HDAC4: variants seen among roughly 807,000 people sequenced by gnomAD.
HDAC4 encodes the protein histone deacetylase A.
HDAC4 carries 16 observed loss-of-function variants against 135.1 expected under a neutral mutation model. That is an observed-to-expected ratio of 0.12 (90% CI 0.08 to 0.18). The LOEUF (loss-of-function observed/expected upper bound fraction) is 0.18, where lower values mean the gene tolerates loss of function less well. HDAC4 is among the 10% of genes least tolerant of loss of function. The pLI is 1.00. For synonymous variants in HDAC4, 685 were observed against 653.4 expected, an observed-to-expected ratio of 1.05 and a Z score of -0.74; for missense variants, 1,143 against 1,511.8, an observed-to-expected ratio of 0.76 and a Z score of 4.05.
chr2:239,117,045 C>T (rs540351104), intron 12 of HDAC4, among the ~76,000 whole-genome samples: 3 of 152,312 alleles, frequency 2.0e-5, no homozygotes, highest in Admixed American at 2.0e-4. Context: ...CCACGTGGCA[C>T]AGGCATTGCT....
chr2:239,283,460 G>A (rs777270456), intron 2 of HDAC4, among the ~76,000 whole-genome samples: 7 of 152,196 alleles, frequency 4.6e-5, no homozygotes, highest in Non-Finnish European at 1.0e-4. Flanking sequence ...TGCAGCGAGT[G>A]TCGGGCTGGC....
In HDAC4 at chr2:239,049,581, T is replaced by A. The variant is rs2030506150; in HGVS notation, c.*3516A>T. 1 of 151,940 alleles carries A rather than the reference T, an allele frequency of 6.6e-6. No homozygotes were observed. Among genetic ancestry groups the A allele is most frequent in the Non-Finnish European group, 1.5e-5 (1 of 67,624 alleles). The allele number at this position is 151,940 out of a possible 1,614,324, so 9.4% of individuals were successfully genotyped here. On this transcript the variant is annotated 3_prime_UTR_variant, in exon 27 of 27. Coordinates refer to ENST00000543185, the MANE Select transcript of HDAC4 (RefSeq NM_001378414.1). ...GTGGCTGTGACCAGTAAAGAAGGAA[T>A]GTTCTGATCAAAAAGAAAAACAACA... is the stretch of plus-strand genomic sequence containing the variant.
chr2:239,127,334 T>C (rs2040262261), intron 11 of HDAC4, among the ~76,000 whole-genome samples: 1 of 152,262 alleles, frequency 6.6e-6, no homozygotes, highest in Non-Finnish European at 1.5e-5. Flanking sequence ...TCACCAACCC[T>C]GTATGTTTTG....
At chr2:239,387,079 CGAGT>C (rs10596307) in intron 1 of HDAC4, among the ~76,000 whole-genome samples, 6,026 of 152,278 alleles carry the variant, frequency 0.04, 390 homozygotes, top group African/African-American at 0.14. Flanking sequence ...CCGGGGAGCA[CGAGT>C]GTGTGGGTGG....
intron 3 of HDAC4, among the ~76,000 whole-genome samples, chr2:239,192,265 C>G (rs2045036269): frequency 7.2e-6 from 1 of 138,212 alleles, no homozygotes; most frequent in African/African-American, 2.7e-5. Flanking sequence ...AGGACTGTTC[C>G]ATGTGCAGGA....
At position 239,049,515 on chromosome 2, in the gene HDAC4, C is replaced by T. The variant is rs1041287567; in HGVS notation, c.*3582G>A. Reference sequence around the variant, plus strand: ...TATATGTATCAATGCCCATAAAACACGTGGGCCCAAAGTCTACAAAAAGAA... The same window carrying T: ...TATATGTATCAATGCCCATAAAACATGTGGGCCCAAAGTCTACAAAAAGAA... On this transcript the variant is annotated 3_prime_UTR_variant, in exon 27 of 27. Coordinates refer to ENST00000543185, the MANE Select transcript of HDAC4 (RefSeq NM_001378414.1). The T allele has an allele frequency of 2.6e-5, 4 of 152,060 alleles. No individual in the cohort carries two copies. The highest frequency in any genetic ancestry group is 2.6e-4 in the Admixed American group (4 of 15,252). The allele number at this position is 152,060 out of a possible 1,614,324, so 9.4% of individuals were successfully genotyped here. A position where few individuals can be genotyped will look rare whatever the true frequency, so the allele number is the denominator to read the frequency against.
intron 9 of HDAC4, among the ~76,000 whole-genome samples, chr2:239,134,997 G>T (rs1229071332): frequency 3.3e-5 from 5 of 152,218 alleles, no homozygotes; most frequent in African/African-American, 4.8e-5. Flanking sequence ...GGATAATATA[G>T]TTTACAATGC....
At chr2:239,099,390 C>G (rs145385610) in intron 16 of HDAC4, among the ~76,000 whole-genome samples, 1 of 152,238 alleles carries the variant, frequency 6.6e-6, no homozygotes, top group Admixed American at 6.5e-5. Context: ...GCAACTCCCA[C>G]GCCTGCTGAA....
intron 2 of HDAC4, among the ~76,000 whole-genome samples, chr2:239,291,004 AC>A (rs1323467217): frequency 1.3e-5 from 2 of 152,182 alleles, no homozygotes; most frequent in African/African-American, 4.8e-5. Flanking sequence ...CCTCAAGAAA[AC>A]CGAGGACAAA....
chr2:239,358,359 A>G (rs999709080), intron 1 of HDAC4, among the ~76,000 whole-genome samples: 3 of 152,216 alleles, frequency 2.0e-5, no homozygotes, highest in Non-Finnish European at 4.4e-5. Context: ...GAGCTCCTGC[A>G]AACCAGCTCC....
chr2:239,386,340 G>C (rs1222751539), intron 1 of HDAC4, among the ~76,000 whole-genome samples: 1 of 152,148 alleles, frequency 6.6e-6, no homozygotes, highest in Non-Finnish European at 1.5e-5. Flanking sequence ...GGCACTGGAG[G>C]GACGAGGAAA....
chr2:239,192,968 G>C (rs190977261), intron 3 of HDAC4, among the ~76,000 whole-genome samples: 2 of 152,374 alleles, frequency 1.3e-5, no homozygotes, highest in African/African-American at 4.8e-5. Context: ...GTCTATATTT[G>C]TAGGTGAAAC....
chr2:239,271,346 G>A (rs932443250), intron 2 of HDAC4, among the ~76,000 whole-genome samples: 1 of 152,224 alleles, frequency 6.6e-6, no homozygotes, highest in African/African-American at 2.4e-5. Flanking sequence ...GACTGGTCTT[G>A]AACTTCTGAG....
In HDAC4 at chr2:239,054,828, A is replaced by C; in HGVS notation, c.3009T>G (p.Asp1003Glu). 6.2e-7 allele frequency: 1 copy of C among 1,607,554 alleles called. No homozygotes were observed. The highest frequency in any genetic ancestry group is 8.5e-7 in the Non-Finnish European group (1 of 1,174,058). Residue 1003 changes from aspartate to glutamate, a missense_variant, in exon 25 of 27, where the codon GAT (aspartate) becomes GAG (glutamate). Physicochemically the swap from Asp to Glu is conservative, Grantham distance 45. This residue lies in a region of HDAC4 where 131 missense variants were observed against 130.6 expected (regional missense o/e 1.00). Coordinates refer to ENST00000543185, the MANE Select transcript of HDAC4 (RefSeq NM_001378414.1). Reference sequence around the variant, plus strand: ...GCTGTAAAACCTTTTCTGGGAGAGGATCAAGCTGGAAGAAAATGCATAAGA... The same window carrying C: ...GCTGTAAAACCTTTTCTGGGAGAGGCTCAAGCTGGAAGAAAATGCATAAGA... ...CVSALLGNEL[D>E]PLPEKVLQQR...
Position 239,275,867 on chromosome 2 carries a change from C to T in HDAC4, c.23-39203G>A, listed in dbSNP as rs370642640. ...GCTCCTCATGGTGCCACGTGCCACC[C>T]TGAAGGTATGGGGCGGAGAAGATGA... On this transcript the variant is annotated intron_variant, in intron 2 of 26. Transcript: ENST00000543185. Among the ~76,000 whole-genome samples, 71 of 152,304 alleles carry T rather than the reference C, an allele frequency of 4.7e-4. 1 individual carries two copies. Among genetic ancestry groups the T allele is most frequent in the African/African-American group, 1.5e-3 (61 of 41,558 alleles).
intron 2 of HDAC4, among the ~76,000 whole-genome samples, chr2:239,317,363 T>C (rs1002073877): frequency 6.6e-6 from 1 of 152,084 alleles, no homozygotes; most frequent in Non-Finnish European, 1.5e-5. Flanking sequence ...TTCACAGCTC[T>C]GGCGGCCGAG....
intron 3 of HDAC4, among the ~76,000 whole-genome samples, chr2:239,225,641 C>T (rs1308301047): frequency 6.6e-6 from 1 of 152,186 alleles, no homozygotes; most frequent in Non-Finnish European, 1.5e-5. Flanking sequence ...CCAGGAAGGC[C>T]CACGCAGGGC....
chr2:239,063,232 G>A (rs1365729167), intron 24 of HDAC4, among the ~76,000 whole-genome samples: 22 of 151,454 alleles, frequency 1.5e-4, no homozygotes, highest in African/African-American at 4.6e-4. Flanking sequence ...GCGGAGTCTC[G>A]CTCTCTCGCC....
intron 12 of HDAC4, among the ~76,000 whole-genome samples, chr2:239,118,844 C>T (rs2039376996): frequency 6.6e-6 from 1 of 152,176 alleles, no homozygotes; most frequent in Non-Finnish European, 1.5e-5. Context: ...GCATGTGTTT[C>T]AACACTAGTT....
Sources: allele counts gnomAD v4.1 joint callset (sites outside exome capture counted in the v4.1 genomes callset), GRCh38; gene constraint gnomAD v4.1.1; regional missense constraint gnomAD v4.1.1; transcripts MANE v1.5; gene names NCBI Gene and HGNC (gene_info 2026-07-23, HGNC 2026-07-21).